Variants in USP34 observed in about 807,000 individuals in gnomAD.
The protein encoded by USP34 is ubiquitin carboxyl-terminal hydrolase 34.
In USP34, 70 loss-of-function variants were observed where a neutral mutation model predicts 460.3. The ratio of observed to expected loss-of-function variants is 0.15; its 90% CI spans 0.13 to 0.19. USP34 has a LOEUF of 0.19. Ranked by LOEUF, USP34 falls within the 10% of genes least tolerant of loss-of-function variation. The pLI, the probability that USP34 is intolerant of heterozygous loss-of-function variation, is 1.00. For missense variants in USP34, 3,985 were observed against 4,236.2 expected, an observed-to-expected ratio of 0.94 and a Z score of 1.65; for synonymous variants, 1,647 against 1,405.3, an observed-to-expected ratio of 1.17 and a Z score of -3.85.
intron 11 of USP34, 36 bp downstream of exon 11, chr2:61,350,532 G>GAAA (rs369991970): frequency 9.9e-6 from 12 of 1,214,726 alleles, no homozygotes; most frequent in South Asian, 4.6e-5. Context: ...CACTTCACGG[G>GAAA]AAAAAAAAAA....
chr2:61,360,592 A>C (rs1293440661), intron 10 of USP34, among the ~76,000 whole-genome samples: 2 of 152,216 alleles, frequency 1.3e-5, no homozygotes, highest in Non-Finnish European at 2.9e-5. Context: ...CTGAAGGAAA[A>C]ATATCATTAA....
chr2:61,389,710 C>G (rs1294195282), intron 5 of USP34, among the ~76,000 whole-genome samples: 1 of 152,030 alleles, frequency 6.6e-6, no homozygotes, highest in East Asian at 1.9e-4. Flanking sequence ...ATTGCATATG[C>G]TATTAATCCT....
chr2:61,332,047 C>T (rs1401089090), intron 19 of USP34, among the ~76,000 whole-genome samples: 1 of 152,038 alleles, frequency 6.6e-6, no homozygotes, highest in Non-Finnish European at 1.5e-5. Flanking sequence ...AAGTTACTTT[C>T]ACCTTGCTAT....
chr2:61,266,930 A>C (rs191043799), intron 41 of USP34, among the ~76,000 whole-genome samples: 8 of 152,308 alleles, frequency 5.3e-5, no homozygotes, highest in Non-Finnish European at 1.2e-4. Context: ...GGTTTATGCT[A>C]AAGACCTGTT....
At chr2:61,195,488 A>G (rs538976283) in intron 75 of USP34, among the ~76,000 whole-genome samples, 115 of 152,146 alleles carry the variant, frequency 7.6e-4, no homozygotes, top group Admixed American at 2.6e-3. Context: ...CCTGACCAAC[A>G]TGGTGAAACC....
chr2:61,467,136 C>G (rs1695793167), intron 1 of USP34, among the ~76,000 whole-genome samples: 1 of 151,778 alleles, frequency 6.6e-6, no homozygotes, highest in African/African-American at 2.4e-5. Flanking sequence ...AACCCCGTTT[C>G]TACTAAAAAT....
Position 61,214,651 on chromosome 2 carries a change from G to A in USP34, c.8091C>T (p.Phe2697=). The part of the protein sequence containing the change: ...LLVSLIPSNS[F]RQMFRSTRSL... ...ACCTTGTTGACCGGAACATCTGACG[G>A]AATGAATTGCTTGGTATAAGGGACA... is the stretch of plus-strand genomic sequence containing the variant. The change falls in exon 68 of 80, where the codon TTC becomes TTT. Residue 2697 remains phenylalanine (F), a synonymous_variant. Transcript: ENST00000398571. 6.2e-7 allele frequency: 1 copy of A among 1,614,158 alleles called. No individual in the cohort carries two copies. Among genetic ancestry groups the A allele is most frequent in the Middle Eastern group, 1.6e-4 (1 of 6,062 alleles).
At chr2:61,294,475 G>A (rs888966553) in intron 32 of USP34, among the ~76,000 whole-genome samples, 1 of 152,076 alleles carries the variant, frequency 6.6e-6, no homozygotes, top group Non-Finnish European at 1.5e-5. Flanking sequence ...CTGGAGTGCT[G>A]TGGTGCGATC....
intron 20 of USP34, among the ~76,000 whole-genome samples, chr2:61,328,750 C>T (rs1691173479): frequency 6.6e-6 from 1 of 152,178 alleles, no homozygotes. Context: ...GTTGTCAATG[C>T]AGTGAACAAC....
chr2:61,401,635 G>A (rs1238583493), intron 3 of USP34, among the ~76,000 whole-genome samples: 3 of 132,360 alleles, frequency 2.3e-5, no homozygotes, highest in East Asian at 2.4e-4. Flanking sequence ...TGCAAGCTCC[G>A]CCTCCTGGGT....
rs763666674 is a variant in USP34 at position 61,188,653 on chromosome 2, T to C, written c.10090A>G (p.Thr3364Ala). The C allele has an allele frequency of 3.1e-6, 5 of 1,614,086 alleles. No individual in the cohort carries two copies. The South Asian group carries it at 3.3e-5, about 11-fold the overall frequency. The part of the protein sequence containing the change: ...RRRVSSDEEH[T>A]VDSCISDMKT... ...ATGTCACTGATGCAGCTGTCTACAG[T>C]GTGCTCCTCATCACTGCTAACACGC... is the stretch of plus-strand genomic sequence containing the variant. The change falls in exon 80 of 80, where the codon ACT becomes GCT. Residue 3364 changes from threonine (T) to alanine (A), a missense_variant. Transcript: ENST00000398571.
At chr2:61,288,485 T>C (rs113793360) in intron 34 of USP34, among the ~76,000 whole-genome samples, 192 bp downstream of exon 34, 14 of 152,348 alleles carry the variant, frequency 9.2e-5, no homozygotes, top group African/African-American at 3.1e-4. Context: ...GCACGACTCA[T>C]TTCTGCATTC....
At chr2:61,365,207 G>A (rs1246394340) in intron 10 of USP34, among the ~76,000 whole-genome samples, 2 of 150,922 alleles carry the variant, frequency 1.3e-5, no homozygotes, top group African/African-American at 2.4e-5. Context: ...AGCTGAGATT[G>A]CCCCATTGCA....
At chr2:61,230,879 C>G (rs1447967868) in intron 58 of USP34, among the ~76,000 whole-genome samples, 1 of 147,700 alleles carries the variant, frequency 6.8e-6, no homozygotes, top group Non-Finnish European at 1.5e-5. Context: ...AAACAAAAAA[C>G]AGTTTACCAG....
At chr2:61,278,733 T>A (rs1199427575) in intron 39 of USP34, among the ~76,000 whole-genome samples, 2 of 151,906 alleles carry the variant, frequency 1.3e-5, no homozygotes, top group African/African-American at 4.8e-5. Context: ...TGTATACATA[T>A]GTAACAAACC....
chr2:61,349,579 G>T (rs1022425507), intron 12 of USP34, among the ~76,000 whole-genome samples: 1 of 152,062 alleles, frequency 6.6e-6, no homozygotes, highest in Non-Finnish European at 1.5e-5. Flanking sequence ...AGTGGGTCAC[G>T]CCTGTAACCC....
intron 75 of USP34, among the ~76,000 whole-genome samples, chr2:61,197,113 T>TA (rs1249271985): frequency 2.0e-5 from 3 of 151,664 alleles, no homozygotes; most frequent in South Asian, 2.1e-4. Flanking sequence ...CCACTCTATT[T>TA]AAAAAAAATA....
At chr2:61,298,337 G>T (rs370887681) in intron 29 of USP34, among the ~76,000 whole-genome samples, 1 of 117,516 alleles carries the variant, frequency 8.5e-6, no homozygotes. Context: ...CTGGCTAACA[G>T]AGTGAAACCC....
intron 2 of USP34, among the ~76,000 whole-genome samples, chr2:61,419,742 C>G (rs1311668908): frequency 6.6e-6 from 1 of 152,148 alleles, no homozygotes; most frequent in East Asian, 1.9e-4. Context: ...ATGACTCAGA[C>G]ACAACATTTC....
Sources: gnomAD v4.1 joint callset for allele counts (sites outside exome capture counted in the v4.1 genomes callset) on GRCh38, gnomAD v4.1.1 for gene constraint, MANE v1.5 for transcripts, NCBI Gene and HGNC (gene_info 2026-07-23, HGNC 2026-07-21) for gene names.